Variants in MAP3K7CL observed in about 807,000 individuals in gnomAD.
MAP3K7CL encodes the protein MAP3K7 C-terminal like.
MAP3K7CL carries 16 observed loss-of-function variants against 18.6 expected under a neutral mutation model. The observed-to-expected ratio is 0.86, with a 90% CI of 0.58 to 1.31. The LOEUF is 1.31. MAP3K7CL is among the 50% of genes most tolerant of loss of function. The probability of loss-of-function intolerance (pLI) is 0.00; values close to 1 mark genes in which losing one functional copy is unlikely to be tolerated. For missense variants in MAP3K7CL, 163 were observed against 174.4 expected, an observed-to-expected ratio of 0.93 and a Z score of 0.37; for synonymous variants, 65 against 66.8, an observed-to-expected ratio of 0.97 and a Z score of 0.13.
chr21:29,096,892 GAC>G (rs2086131485), intron 4 of MAP3K7CL, among the ~76,000 whole-genome samples: 1 of 152,154 alleles, frequency 6.6e-6, no homozygotes, highest in Non-Finnish European at 1.5e-5. Context: ...GTTGGGAAAT[GAC>G]AGAGTATGAT....
chr21:29,171,294 C>T (rs1157384495), intron 4 of MAP3K7CL, among the ~76,000 whole-genome samples: 2 of 152,136 alleles, frequency 1.3e-5, no homozygotes, highest in Non-Finnish European at 2.9e-5. Context: ...AGTAACAGCC[C>T]AAAGGAACTT....
intron 4 of MAP3K7CL, among the ~76,000 whole-genome samples, chr21:29,107,359 A>G (rs2086342194): frequency 6.6e-6 from 1 of 152,038 alleles, no homozygotes; most frequent in Non-Finnish European, 1.5e-5. Context: ...TTATAAAGAA[A>G]ATTGGTCTAA....
At chr21:29,164,935 A>G (rs2087648461) in intron 4 of MAP3K7CL, among the ~76,000 whole-genome samples, 1 of 152,210 alleles carries the variant, frequency 6.6e-6, no homozygotes, top group South Asian at 2.1e-4. Flanking sequence ...AATGTATAAC[A>G]TGATTTTTTC....
chr21:29,112,958 G>A (rs1007235397), intron 4 of MAP3K7CL, among the ~76,000 whole-genome samples: 4 of 151,986 alleles, frequency 2.6e-5, no homozygotes, highest in African/African-American at 7.3e-5. Flanking sequence ...ACAGGCCTGT[G>A]CCACAACACC....
intron 1 of MAP3K7CL, among the ~76,000 whole-genome samples, chr21:29,086,734 C>T (rs1277097200): frequency 6.6e-6 from 1 of 152,116 alleles, no homozygotes; most frequent in Non-Finnish European, 1.5e-5. Context: ...CTGCTAAGGC[C>T]CTGTTCTTTC....
chr21:29,162,963 C>T (rs1354607859), intron 4 of MAP3K7CL, among the ~76,000 whole-genome samples: 3 of 151,842 alleles, frequency 2.0e-5, no homozygotes, highest in Non-Finnish European at 2.9e-5. Flanking sequence ...AAAAATTAGT[C>T]GGGTGTGGTA....
chr21:29,161,178 C>T (rs1306022561), intron 4 of MAP3K7CL, among the ~76,000 whole-genome samples: 12 of 152,078 alleles, frequency 7.9e-5, no homozygotes, highest in East Asian at 1.9e-4. Context: ...GGTGTGGTGG[C>T]GGGCACCTGT....
chr21:29,145,885 G>T (rs965988406), intron 2 of MAP3K7CL, among the ~76,000 whole-genome samples: 21 of 143,626 alleles, frequency 1.5e-4, no homozygotes, highest in African/African-American at 4.6e-4. Flanking sequence ...TTCAACTCAA[G>T]GAGTCCAATT....
At chr21:29,096,982 G>T (rs182151090) in intron 4 of MAP3K7CL, among the ~76,000 whole-genome samples, 8 of 152,168 alleles carry the variant, frequency 5.3e-5, no homozygotes, top group Non-Finnish European at 1.2e-4. Context: ...TTCAGAACGC[G>T]TTTAAAATCT....
chr21:29,141,322 G>A (rs1377017475), intron 2 of MAP3K7CL, among the ~76,000 whole-genome samples: 1 of 151,824 alleles, frequency 6.6e-6, no homozygotes, highest in African/African-American at 2.4e-5. Context: ...AGACTATCCT[G>A]GCTAACGTGG....
At chr21:29,151,964 G>C (rs2087286453) in intron 3 of MAP3K7CL, among the ~76,000 whole-genome samples, 1 of 152,176 alleles carries the variant, frequency 6.6e-6, no homozygotes, top group South Asian at 2.1e-4. Context: ...CAGTTGAGAG[G>C]GTAGTTTCTG....
chr21:29,157,644 A>T (rs965242228), intron 3 of MAP3K7CL, among the ~76,000 whole-genome samples: 4 of 152,198 alleles, frequency 2.6e-5, no homozygotes, highest in Admixed American at 6.5e-5. Flanking sequence ...AATATGTACT[A>T]CCTATCATCA....
intron 4 of MAP3K7CL, among the ~76,000 whole-genome samples, chr21:29,162,027 A>G (rs1022014855): frequency 1.3e-5 from 2 of 152,168 alleles, no homozygotes; most frequent in African/African-American, 4.8e-5. Flanking sequence ...TTTTTGTTCT[A>G]AGAGTTTTGA....
At chr21:29,142,160 T>C (rs962776088) in intron 2 of MAP3K7CL, among the ~76,000 whole-genome samples, 2 of 152,022 alleles carry the variant, frequency 1.3e-5, no homozygotes, top group Non-Finnish European at 1.5e-5. Context: ...AACCTCCCAT[T>C]CTCAAGTGAT....
intron 1 of MAP3K7CL, among the ~76,000 whole-genome samples, chr21:29,089,190 A>G (rs2085978434): frequency 7.1e-6 from 1 of 141,006 alleles, no homozygotes; most frequent in African/African-American, 2.8e-5. Flanking sequence ...AAAAAAAAAA[A>G]AAAAAAAAAA....
intron 3 of MAP3K7CL, among the ~76,000 whole-genome samples, chr21:29,153,841 G>T (rs1286558779): frequency 1.3e-5 from 2 of 152,088 alleles, no homozygotes; most frequent in Non-Finnish European, 2.9e-5. Flanking sequence ...CCAGGGTTTG[G>T]GTCAAGACCA....
chr21:29,097,730 TATG>T (rs2086148212), intron 4 of MAP3K7CL, among the ~76,000 whole-genome samples: 1 of 152,192 alleles, frequency 6.6e-6, no homozygotes, highest in Non-Finnish European at 1.5e-5. Flanking sequence ...ATATAATTTA[TATG>T]ATGTTTTTAA....
intron 4 of MAP3K7CL, among the ~76,000 whole-genome samples, chr21:29,118,314 A>C (rs2086538053): frequency 1.4e-5 from 2 of 144,810 alleles, no homozygotes; most frequent in South Asian, 4.6e-4. Flanking sequence ...TGAACTCCTG[A>C]CCTCAGGTGA....
chr21:29,092,581 G>A (rs750252277), exon 4 of MAP3K7CL: 9 of 1,613,622 alleles, frequency 5.6e-6, no homozygotes, highest in Non-Finnish European at 7.6e-6. Flanking sequence ...CTCCCCTCTG[G>A]GTGAGTATTC....
Sources: gnomAD v4.1 joint callset for allele counts (sites outside exome capture counted in the v4.1 genomes callset) on GRCh38, gnomAD v4.1.1 for gene constraint, MANE v1.5 for transcripts, NCBI Gene and HGNC (gene_info 2026-07-23, HGNC 2026-07-21) for gene names.